THEMIS: variants seen among roughly 807,000 people sequenced by gnomAD.
The protein encoded by THEMIS is protein THEMIS.
THEMIS carries 37 observed loss-of-function variants against 52.6 expected under a neutral mutation model. That is an observed-to-expected ratio of 0.70 (90% confidence interval 0.54 to 0.93). THEMIS has a LOEUF of 0.93. Among genes scored for constraint, THEMIS ranks in the 40% least tolerant of loss-of-function variants. The pLI is 0.00. For missense variants in THEMIS, 808 were observed against 763.1 expected (o/e 1.06, Z -0.69); for synonymous variants, 292 against 272.7 (o/e 1.07, Z -0.70).
intron 1 of THEMIS, among the ~76,000 whole-genome samples, chr6:127,874,028 C>A (rs1312403621): frequency 6.6e-6 from 1 of 152,144 alleles, no homozygotes; most frequent in East Asian, 1.9e-4. Context: ...TTTGGGAATA[C>A]CAATAGCATC....
At chr6:127,855,000 C>T (rs769710510) in intron 2 of THEMIS, 30 bp downstream of exon 2, 9 of 1,561,110 alleles carry the variant, frequency 5.8e-6, no homozygotes, top group African/African-American at 1.4e-5. Flanking sequence ...TATAGTTGTA[C>T]AAATGATAAG....
intron 2 of THEMIS, among the ~76,000 whole-genome samples, chr6:127,831,499 T>C (rs1778697263): frequency 6.6e-6 from 1 of 152,140 alleles, no homozygotes; most frequent in South Asian, 2.1e-4. Flanking sequence ...CAAAAAGTCA[T>C]TTATTATTTT....
At chr6:127,755,461 G>T (rs1366066384) in intron 4 of THEMIS, among the ~76,000 whole-genome samples, 1 of 151,946 alleles carries the variant, frequency 6.6e-6, no homozygotes, top group Non-Finnish European at 1.5e-5. Context: ...TTACCCTACA[G>T]AATGCTTGAA....
intron 1 of THEMIS, among the ~76,000 whole-genome samples, chr6:127,914,198 T>C (rs1781471229): frequency 6.6e-6 from 1 of 152,192 alleles, no homozygotes. Context: ...AATTTTCCAC[T>C]GTGTTGTCAT....
At chr6:127,700,317 C>T in the THEMIS span, among the ~76,000 whole-genome samples, 2 of 151,764 alleles carry the variant, frequency 1.3e-5, no homozygotes, top group South Asian at 4.2e-4. Context: ...CTTCATGTAT[C>T]TTTCCATGAA....
At chr6:127,851,410 G>A (rs140411692) in intron 2 of THEMIS, among the ~76,000 whole-genome samples, 38 of 151,582 alleles carry the variant, frequency 2.5e-4, no homozygotes, top group Middle Eastern at 3.4e-3. Flanking sequence ...GACAGGCCAC[G>A]GAATGGGAGA....
At chr6:127,803,576 T>G (rs1310674216) in intron 4 of THEMIS, among the ~76,000 whole-genome samples, 1 of 152,202 alleles carries the variant, frequency 6.6e-6, no homozygotes, top group Non-Finnish European at 1.5e-5. Flanking sequence ...GTATTCAAAT[T>G]AATAGTCCTA....
rs569671004 is a variant in THEMIS at position 127,838,049 on chromosome 6, A to G, written c.251-8115T>C. 2.6e-5 allele frequency among the ~76,000 whole-genome samples: 4 copies of G among 152,242 alleles called. No homozygotes were observed. The East Asian group carries it at 5.8e-4, about 22-fold the overall frequency. Reference sequence around the variant, plus strand: ...GAAGCACTGAGTTAAAGCTTTAAACATTATAAAGGCTCTTTTCTCAGCACA... The same window carrying G: ...GAAGCACTGAGTTAAAGCTTTAAACGTTATAAAGGCTCTTTTCTCAGCACA... On this transcript the variant is annotated intron_variant, in intron 2 of 5. Coordinates refer to ENST00000368248, the MANE Select transcript of THEMIS (RefSeq NM_001010923.3).
intron 4 of THEMIS, among the ~76,000 whole-genome samples, chr6:127,722,836 A>G (rs1384503858): frequency 6.6e-6 from 1 of 152,022 alleles, no homozygotes; most frequent in Non-Finnish European, 1.5e-5. Flanking sequence ...TTTGACACCC[A>G]GACTTTTGTC....
At chr6:127,896,048 T>G (rs946000771) in intron 1 of THEMIS, among the ~76,000 whole-genome samples, 1 of 151,150 alleles carries the variant, frequency 6.6e-6, no homozygotes, top group African/African-American at 2.4e-5. Context: ...CACTTTTTAA[T>G]GTAAAAAAAA....
At chr6:127,757,478 T>C (rs1775867368) in intron 4 of THEMIS, among the ~76,000 whole-genome samples, 1 of 151,930 alleles carries the variant, frequency 6.6e-6, no homozygotes, top group African/African-American at 2.4e-5. Flanking sequence ...GTCACACATG[T>C]CACTTTTTTT....
At chr6:127,877,897 A>C (rs1583386488) in intron 1 of THEMIS, among the ~76,000 whole-genome samples, 1 of 152,288 alleles carries the variant, frequency 6.6e-6, no homozygotes, top group East Asian at 1.9e-4. Flanking sequence ...AAAAAAATGA[A>C]GTATGCCTGT....
chr6:127,853,328 A>C (rs1296909661), intron 2 of THEMIS, among the ~76,000 whole-genome samples: 1 of 151,682 alleles, frequency 6.6e-6, no homozygotes, highest in Non-Finnish European at 1.5e-5. Flanking sequence ...GGTTCTCAAC[A>C]CTGGCTGCTC....
chr6:127,871,436 A>G (rs1267855226), intron 1 of THEMIS, among the ~76,000 whole-genome samples: 1 of 152,056 alleles, frequency 6.6e-6, no homozygotes, highest in Non-Finnish European at 1.5e-5. Flanking sequence ...GAAAAGAGCA[A>G]TAGCCTCAAA....
chr6:127,847,889 A>AATT (rs71543127), intron 2 of THEMIS, among the ~76,000 whole-genome samples: 11,237 of 146,464 alleles, frequency 0.077, 920 homozygotes, highest in East Asian at 0.42. Context: ...CTCAATTTCA[A>AATT]ATTATTATTA....
intron 1 of THEMIS, among the ~76,000 whole-genome samples, chr6:127,872,726 A>T (rs1457766670): frequency 6.6e-6 from 1 of 152,230 alleles, no homozygotes; most frequent in African/African-American, 2.4e-5. Flanking sequence ...TAAGATCAGA[A>T]ACAAGTCCAG....
chr6:127,769,302 A>G (rs1362005118), intron 4 of THEMIS, among the ~76,000 whole-genome samples: 1 of 151,154 alleles, frequency 6.6e-6, no homozygotes, highest in Non-Finnish European at 1.5e-5. Flanking sequence ...TTAAACTTCT[A>G]AGATTGTTGT....
intron 3 of THEMIS, among the ~76,000 whole-genome samples, chr6:127,825,618 A>T (rs1241282693): frequency 6.6e-6 from 1 of 152,236 alleles, no homozygotes; most frequent in Non-Finnish European, 1.5e-5. Flanking sequence ...CAACACAGAC[A>T]CAAGTCAACA....
intron 4 of THEMIS, among the ~76,000 whole-genome samples, chr6:127,796,232 G>A (rs1481106353): frequency 6.6e-6 from 1 of 152,092 alleles, no homozygotes; most frequent in East Asian, 1.9e-4. Context: ...GGGTAGAAAA[G>A]CATTGATTTT....
Sources: gnomAD v4.1 joint callset for allele counts (sites outside exome capture counted in the v4.1 genomes callset) on GRCh38, gnomAD v4.1.1 for gene constraint, MANE v1.5 for transcripts, NCBI Gene and HGNC (gene_info 2026-07-23, HGNC 2026-07-21) for gene names.